The following EDA variants were observed in gnomAD, a reference collection of about 807,000 sequenced individuals.
The protein encoded by EDA is ectodysplasin A.
A neutral mutation model predicts 23.6 loss-of-function variants in EDA; 2 were observed. The ratio of observed to expected loss-of-function variants is 0.08; its 90% confidence interval spans 0.03 to 0.27. EDA has a LOEUF of 0.27. Ranked by LOEUF, EDA falls within the 10% of genes least tolerant of loss-of-function variation. EDA has a pLI of 1.00. For missense variants in EDA, 229 were observed against 324.2 expected (o/e 0.71, Z 2.26); for synonymous variants, 131 against 132.0 (o/e 0.99, Z 0.05).
intron 1 of EDA, among the ~76,000 whole-genome samples, chrX:69,730,048 G>T (rs1466993171): frequency 9.1e-6 from 1 of 109,606 alleles, no homozygotes; most frequent in African/African-American, 3.3e-5. Flanking sequence ...TTTTTTTGTG[G>T]AGACATTGTC....
chrX:69,887,468 A>G (rs545223006), intron 1 of EDA, among the ~76,000 whole-genome samples: 4 of 112,168 alleles, frequency 3.6e-5, no homozygotes, highest in African/African-American at 9.7e-5. Flanking sequence ...AGACTCCATC[A>G]TACAGAAGAA....
chrX:69,835,223 G>A (rs936846504), intron 1 of EDA, among the ~76,000 whole-genome samples: 1 of 111,385 alleles, frequency 9.0e-6, no homozygotes, highest in African/African-American at 3.3e-5. Flanking sequence ...GTATCTTTCT[G>A]TTGTTCTCTG....
intron 2 of EDA, among the ~76,000 whole-genome samples, chrX:70,015,443 C>A (rs769750249): frequency 9.0e-6 from 1 of 111,160 alleles, no homozygotes; most frequent in African/African-American, 3.3e-5. Flanking sequence ...CATGGTGGTG[C>A]ATGCCTGTAA....
chrX:69,684,974 A>G (rs940683807), intron 1 of EDA, among the ~76,000 whole-genome samples: 10 of 112,351 alleles, frequency 8.9e-5, no homozygotes, highest in Non-Finnish European at 1.9e-4. Context: ...AGTGAAGATG[A>G]GAAGACTTTA....
chrX:69,682,811 C>T (rs183465035), intron 1 of EDA, among the ~76,000 whole-genome samples: 1 of 111,417 alleles, frequency 9.0e-6, no homozygotes, highest in East Asian at 2.8e-4. Flanking sequence ...AGCTGTAGAC[C>T]GGAGCTGTTC....
chrX:69,659,435 C>T (rs955310335), intron 1 of EDA, among the ~76,000 whole-genome samples: 3 of 111,623 alleles, frequency 2.7e-5, no homozygotes, highest in African/African-American at 9.8e-5. Flanking sequence ...GGTTTGTGTT[C>T]CTGACCAAAG....
chrX:69,712,463 C>A lies in EDA; in HGVS notation c.396+95759C>A, dbSNP rs773616593. On this transcript the variant is annotated intron_variant, in intron 1 of 7. Coordinates refer to ENST00000374552, the MANE Select transcript of EDA (RefSeq NM_001399.5). ...CAGCCAAAAGACACATGAGAAAATG[C>A]TCATCATCACTGGCCATCAGAAAAA... Among the ~76,000 whole-genome samples, 414 of 111,528 alleles carry A rather than the reference C, an allele frequency of 3.7e-3. 1 individual carries two copies. The highest frequency in any genetic ancestry group is 0.013 in the African/African-American group (397 of 30,663).
chrX:69,934,211 C>T (rs2018640367), intron 1 of EDA, among the ~76,000 whole-genome samples: 1 of 111,907 alleles, frequency 8.9e-6, no homozygotes, highest in Admixed American at 9.5e-5. Flanking sequence ...AGCATTAATG[C>T]CCACATTAGT....
chrX:69,720,151 A>G (rs1010379484), intron 1 of EDA, among the ~76,000 whole-genome samples: 8 of 111,864 alleles, frequency 7.2e-5, no homozygotes, highest in East Asian at 5.6e-4. Context: ...TGATGTTTGT[A>G]TGGTGTATTT....
chrX:69,942,480 GT>G (rs202106154), intron 1 of EDA, among the ~76,000 whole-genome samples: 346 of 108,345 alleles, frequency 3.2e-3, no homozygotes, highest in African/African-American at 0.011. Context: ...GGTAAAAGGT[GT>G]TTTTTTTTCC....
chrX:69,727,140 C>G (rs1373073812), intron 1 of EDA, among the ~76,000 whole-genome samples: 2 of 111,268 alleles, frequency 1.8e-5, no homozygotes, highest in Non-Finnish European at 3.8e-5. Flanking sequence ...TGAACTTCCC[C>G]CAGAGTTCGG....
chrX:69,713,135 C>G (rs1245536374), intron 1 of EDA, among the ~76,000 whole-genome samples: 1 of 110,967 alleles, frequency 9.0e-6, no homozygotes, highest in African/African-American at 3.3e-5. Flanking sequence ...ATGGGTGCAA[C>G]ACACCAACAT....
chrX:69,874,229 G>A (rs1379558037), intron 1 of EDA, among the ~76,000 whole-genome samples: 3 of 110,700 alleles, frequency 2.7e-5, no homozygotes, highest in Admixed American at 9.6e-5. Flanking sequence ...GGAGAATCAC[G>A]TGAACCCGGG....
intron 1 of EDA, among the ~76,000 whole-genome samples, chrX:69,906,417 A>G (rs187059337): frequency 8.9e-6 from 1 of 112,530 alleles, no homozygotes; most frequent in African/African-American, 3.2e-5. Flanking sequence ...AAGCAGGATA[A>G]CTCCATTTTT....
intron 1 of EDA, among the ~76,000 whole-genome samples, chrX:69,764,234 C>T (rs199527477): frequency 3.4e-4 from 15 of 44,535 alleles, no homozygotes; most frequent in East Asian, 2.7e-3. Context: ...ATTTTTTATT[C>T]TTTTTTTTTT....
chrX:69,692,840 A>G (rs1240692422), intron 1 of EDA: 2 of 111,718 alleles, frequency 1.8e-5, no homozygotes, highest in African/African-American at 3.2e-5. Context: ...AAATCATGTT[A>G]TTGTAGGTTA....
intron 1 of EDA, among the ~76,000 whole-genome samples, chrX:69,851,043 T>C (rs757840910): frequency 5.1e-4 from 57 of 111,840 alleles, no homozygotes; most frequent in Non-Finnish European, 9.2e-4. Context: ...ACTATAAACT[T>C]CTTTTGGAGG....
At chrX:69,688,262 G>A (rs895602397) in intron 1 of EDA, among the ~76,000 whole-genome samples, 6 of 111,750 alleles carry the variant, frequency 5.4e-5, no homozygotes, top group Non-Finnish European at 7.5e-5. Flanking sequence ...AAGACAATTA[G>A]TATGTGGATA....
At chrX:69,945,797 A>C (rs1195537524) in intron 1 of EDA, among the ~76,000 whole-genome samples, 1 of 112,088 alleles carries the variant, frequency 8.9e-6, no homozygotes, top group African/African-American at 3.2e-5. Context: ...CTCTAAGAAA[A>C]TGACATTTCC....
Sources: allele counts gnomAD v4.1 joint callset (sites outside exome capture counted in the v4.1 genomes callset), GRCh38; gene constraint gnomAD v4.1.1; transcripts MANE v1.5; gene names NCBI Gene and HGNC (gene_info 2026-07-23, HGNC 2026-07-21).